Variants in ITGBL1 observed in about 807,000 individuals in gnomAD.
ITGBL1 encodes integrin subunit beta like 1.
ITGBL1 carries 51 observed loss-of-function variants against 68.5 expected under a neutral mutation model. The observed-to-expected ratio is 0.74, with a 90% CI of 0.59 to 0.94. ITGBL1 has a LOEUF of 0.94. Ranked by LOEUF, ITGBL1 falls within the 40% of genes least tolerant of loss-of-function variation. The pLI is 0.00. For synonymous variants in ITGBL1, 209 were observed against 227.3 expected, an observed-to-expected ratio of 0.92 and a Z score of 0.72; for missense variants, 649 against 647.4, an observed-to-expected ratio of 1.00 and a Z score of -0.03.
intron 7 of ITGBL1, among the ~76,000 whole-genome samples, chr13:101,635,437 A>G (rs1009811454): frequency 6.6e-6 from 1 of 152,108 alleles, no homozygotes; most frequent in African/African-American, 2.4e-5. Context: ...GTCATAAACA[A>G]ATAACTCATG....
At chr13:101,524,104 A>G (rs1455578362) in intron 2 of ITGBL1, among the ~76,000 whole-genome samples, 3 of 149,804 alleles carry the variant, frequency 2.0e-5, no homozygotes, top group Non-Finnish European at 4.4e-5. Context: ...AATGAGATTA[A>G]GGGGAAAAAC....
Position 101,598,126 on chromosome 13 carries a change from T to C in ITGBL1, c.869-27T>C. 4 of 1,571,930 alleles carry C rather than the reference T, an allele frequency of 2.5e-6. No individual in the cohort carries two copies. The East Asian group carries it at 9.1e-5, about 36-fold the overall frequency. ...AACTTCATTATCTTTATGTACATTTTTATTTTTTGCCACTCTCACTGTGAA... is the reference window on the plus strand; with the variant it reads ...AACTTCATTATCTTTATGTACATTTCTATTTTTTGCCACTCTCACTGTGAA... On this transcript the variant is annotated intron_variant, in intron 6 of 10. Coordinates refer to ENST00000376180, the MANE Select transcript of ITGBL1 (RefSeq NM_004791.3).
At chr13:101,702,994 G>T (rs1394159133) in intron 8 of ITGBL1, among the ~76,000 whole-genome samples, 1 of 152,128 alleles carries the variant, frequency 6.6e-6, no homozygotes, top group Non-Finnish European at 1.5e-5. Flanking sequence ...TTTTGAAAAA[G>T]ACAATTTCAA....
At chr13:101,575,582 A>T (rs1003831095) in intron 4 of ITGBL1, 36 bp downstream of exon 4, 1 of 1,597,700 alleles carries the variant, frequency 6.3e-7, no homozygotes, top group Non-Finnish European at 8.6e-7. Context: ...TAATAAAAGT[A>T]CCTGTTTTTT....
intron 3 of ITGBL1, among the ~76,000 whole-genome samples, chr13:101,570,906 T>C (rs1388005604): frequency 1.3e-5 from 2 of 152,204 alleles, no homozygotes; most frequent in African/African-American, 4.8e-5. Flanking sequence ...GAGGCCTAAC[T>C]GGCTTAGTCT....
intron 1 of ITGBL1, 82 bp from the exon 2 acceptor site, chr13:101,453,801 C>A: frequency 2.2e-6 from 2 of 899,192 alleles, no homozygotes; most frequent in Non-Finnish European, 2.9e-6. Flanking sequence ...CTGGAGGGGA[C>A]ACTGGGGAGG....
intron 2 of ITGBL1, among the ~76,000 whole-genome samples, chr13:101,564,891 A>G (rs1223296247): frequency 2.6e-5 from 4 of 151,986 alleles, no homozygotes; most frequent in Non-Finnish European, 4.4e-5. Context: ...TTAAAAAAAG[A>G]AGATAGATGT....
chr13:101,564,938 T>C (rs559384270), intron 2 of ITGBL1, among the ~76,000 whole-genome samples: 80 of 152,070 alleles, frequency 5.3e-4, no homozygotes, highest in African/African-American at 1.9e-3. Flanking sequence ...TGCAGTATCA[T>C]CAGAGCAGAG....
At chr13:101,526,495 A>T (rs1257512851) in intron 2 of ITGBL1, among the ~76,000 whole-genome samples, 1 of 152,116 alleles carries the variant, frequency 6.6e-6, no homozygotes, top group Non-Finnish European at 1.5e-5. Flanking sequence ...ATAGAATAGT[A>T]TGCAGCCATA....
At chr13:101,690,059 T>C (rs1279989785) in intron 7 of ITGBL1, among the ~76,000 whole-genome samples, 2 of 152,206 alleles carry the variant, frequency 1.3e-5, no homozygotes, top group Non-Finnish European at 2.9e-5. Flanking sequence ...ATTCATCTCA[T>C]AGTTGCCTTA....
At chr13:101,704,884 G>C (rs1594995365) in intron 8 of ITGBL1, among the ~76,000 whole-genome samples, 1 of 152,112 alleles carries the variant, frequency 6.6e-6, no homozygotes, top group Non-Finnish European at 1.5e-5. Context: ...TGTAAATCAA[G>C]CTAGGTGAAA....
chr13:101,548,536 C>G (rs2049865740), intron 2 of ITGBL1, among the ~76,000 whole-genome samples: 1 of 151,482 alleles, frequency 6.6e-6, no homozygotes, highest in Non-Finnish European at 1.5e-5. Context: ...ATAGTCTTCC[C>G]CAAAAAGCAG....
At chr13:101,517,209 G>C (rs1339766008) in intron 2 of ITGBL1, among the ~76,000 whole-genome samples, 1 of 152,064 alleles carries the variant, frequency 6.6e-6, no homozygotes, top group Non-Finnish European at 1.5e-5. Flanking sequence ...TCCCAACACA[G>C]AGAGACAGTG....
intron 2 of ITGBL1, among the ~76,000 whole-genome samples, chr13:101,525,516 C>A (rs930489961): frequency 6.9e-5 from 8 of 115,168 alleles, no homozygotes; most frequent in African/African-American, 2.9e-4. Flanking sequence ...TGCAGAAACA[C>A]AGGCACCTTG....
chr13:101,563,816 T>A (rs574656618), intron 2 of ITGBL1, among the ~76,000 whole-genome samples: 1 of 151,958 alleles, frequency 6.6e-6, no homozygotes, highest in East Asian at 1.9e-4. Context: ...ATTTTCCTTA[T>A]CCTAAAAGTA....
chr13:101,679,345 T>A (rs1180766065), intron 7 of ITGBL1, among the ~76,000 whole-genome samples: 1 of 152,188 alleles, frequency 6.6e-6, no homozygotes, highest in East Asian at 1.9e-4. Flanking sequence ...TACAGTTGAG[T>A]GTGTTTGTTT....
chr13:101,717,968 C>T (rs2034789551), downstream of ITGBL1: 1 of 152,048 alleles, frequency 6.6e-6, no homozygotes, highest in African/African-American at 2.4e-5. Flanking sequence ...CAAAAATGTC[C>T]TCGGCATTTG....
At chr13:101,509,931 C>T (rs1297285284) in intron 2 of ITGBL1, among the ~76,000 whole-genome samples, 1 of 152,050 alleles carries the variant, frequency 6.6e-6, no homozygotes, top group African/African-American at 2.4e-5. Context: ...GAGTGCCTTC[C>T]TAGACATGAA....
At chr13:101,677,022 G>A (rs1461673421) in intron 7 of ITGBL1, among the ~76,000 whole-genome samples, 1 of 152,084 alleles carries the variant, frequency 6.6e-6, no homozygotes, top group Non-Finnish European at 1.5e-5. Flanking sequence ...TACTTGGGAT[G>A]CTGAGGCACG....
Sources: gnomAD v4.1 joint callset for allele counts (sites outside exome capture counted in the v4.1 genomes callset) on GRCh38, gnomAD v4.1.1 for gene constraint, MANE v1.5 for transcripts, NCBI Gene and HGNC (gene_info 2026-07-23, HGNC 2026-07-21) for gene names.